The following NIPBL variants were observed in gnomAD, a reference collection of about 807,000 sequenced individuals.
NIPBL encodes NIPBL cohesin loading factor.
Under a neutral mutation model 321.8 loss-of-function variants are expected in NIPBL, and 19 were observed. The observed-to-expected ratio is 0.06, with a 90% CI of 0.04 to 0.09. The LOEUF (loss-of-function observed/expected upper bound fraction) is 0.09, where lower values mean the gene tolerates loss of function less well. Among genes scored for constraint, NIPBL ranks in the 10% least tolerant of loss-of-function variants. NIPBL has a pLI of 1.00. For missense variants in NIPBL, 2,210 were observed against 3,327.0 expected (o/e 0.66, Z 8.26); for synonymous variants, 1,106 against 1,114.1 (o/e 0.99, Z 0.14).
At chr5:36,902,547 GA>G (rs1747312516) in intron 1 of NIPBL, among the ~76,000 whole-genome samples, 1 of 152,152 alleles carries the variant, frequency 6.6e-6, no homozygotes, top group Non-Finnish European at 1.5e-5. Flanking sequence ...TCAGAGATTA[GA>G]TGTTTTAGGT....
At chr5:37,017,738 A>T (rs530062371) in intron 24 of NIPBL, among the ~76,000 whole-genome samples, 1 of 152,042 alleles carries the variant, frequency 6.6e-6, no homozygotes, top group African/African-American at 2.4e-5. Context: ...TTATGCTCGT[A>T]ATCATATCCA....
In NIPBL at chr5:37,061,028, A is replaced by G. The variant is rs746811523; in HGVS notation, c.7860+10A>G. 10 of 1,613,326 alleles carry G rather than the reference A, an allele frequency of 6.2e-6. No individual in the cohort carries two copies. Among genetic ancestry groups the G allele is most frequent in the East Asian group, 2.2e-5 (1 of 44,854 alleles). On this transcript the variant is annotated intron_variant, in intron 45 of 46. Coordinates refer to ENST00000282516, the MANE Select transcript of NIPBL (RefSeq NM_133433.4). ...AAAACAGTATCTAGATGTGAGTAGT[A>G]AAACCAAAAGTTTTTACTTCTCATA... is the stretch of plus-strand genomic sequence containing the variant.
At chr5:37,061,282 A>G (rs1754640680) in intron 45 of NIPBL, among the ~76,000 whole-genome samples, 1 of 152,106 alleles carries the variant, frequency 6.6e-6, no homozygotes, top group Non-Finnish European at 1.5e-5. Flanking sequence ...TTATAGGAAA[A>G]CCTGTGTGTG....
At chr5:36,993,154 T>C (rs1645792608) in intron 10 of NIPBL, among the ~76,000 whole-genome samples, 1 of 152,222 alleles carries the variant, frequency 6.6e-6, no homozygotes, top group Non-Finnish European at 1.5e-5. Context: ...ACCTGTGGAA[T>C]AGACAATTCT....
chr5:36,967,411 G>GATA (rs1742324365), intron 6 of NIPBL, among the ~76,000 whole-genome samples: 1 of 152,014 alleles, frequency 6.6e-6, no homozygotes, highest in Admixed American at 6.6e-5. Flanking sequence ...AGGGGAAAGG[G>GATA]ATAAAAACAT....
In NIPBL at chr5:36,998,646, T is replaced by G. The variant is rs181873779; in HGVS notation, c.3305-1727T>G. 7.9e-5 allele frequency among the ~76,000 whole-genome samples: 12 copies of G among 152,246 alleles called. No homozygotes were observed. The East Asian group carries it at 2.3e-3, about 29-fold the overall frequency. Reference sequence around the variant, plus strand: ...GAGCAACATAGCAAGACCCCTTCTCTGCCCACATAAGAAAATAGTGCTTTC... The same window carrying G: ...GAGCAACATAGCAAGACCCCTTCTCGGCCCACATAAGAAAATAGTGCTTTC... On this transcript the variant is annotated intron_variant, in intron 11 of 46. Coordinates refer to ENST00000282516, the MANE Select transcript of NIPBL (RefSeq NM_133433.4).
chr5:36,953,102 T>A (rs1740584219), intron 1 of NIPBL, among the ~76,000 whole-genome samples: 1 of 152,050 alleles, frequency 6.6e-6, no homozygotes, highest in African/African-American at 2.4e-5. Flanking sequence ...CAAGGGAGAT[T>A]TGGGAGAATC....
rs574500577 is a variant in NIPBL at position 36,916,548 on chromosome 5, C to T, written c.-79-37070C>T. 3.9e-5 allele frequency among the ~76,000 whole-genome samples: 6 copies of T among 152,150 alleles called. No individual in the cohort carries two copies. The East Asian group carries it at 9.6e-4, about 24-fold the overall frequency. The stretch of plus-strand genomic sequence containing the variant: ...TAAGTTCTAGGGTACATGTGCACAA[C>T]GTGCAGTTTTGTTACATATGTATAC... On this transcript the variant is annotated intron_variant, in intron 1 of 46. Transcript: ENST00000282516.
chr5:36,939,230 T>C (rs1255583183), intron 1 of NIPBL, among the ~76,000 whole-genome samples: 1 of 152,188 alleles, frequency 6.6e-6, no homozygotes, highest in Non-Finnish European at 1.5e-5. Context: ...CTTGAACTCT[T>C]GGGCTCAAAC....
rs1744634151 is a variant in NIPBL, at chr5:36,985,286, C to A, written c.2106C>A (p.Thr702=). ...AAACAACAAAATCAAGGCCTGAAAC[C>A]CCAAAGCAAAAGGGTGAAAGCCGGC... ...RSETTKSRPE[T]PKQKGESRPE... Residue 702 remains threonine (T), a synonymous_variant, in exon 10 of 47, where the codon ACC becomes ACA. Coordinates refer to ENST00000282516, the MANE Select transcript of NIPBL (RefSeq NM_133433.4). 1.9e-6 allele frequency: 3 copies of A among 1,613,262 alleles called. No homozygotes were observed. Among genetic ancestry groups the A allele is most frequent in the African/African-American group, 2.7e-5 (2 of 74,744 alleles).
rs770840940 is a variant in NIPBL, at chr5:37,022,185, A to C, written c.5427+36A>C. On this transcript the variant is annotated intron_variant, in intron 28 of 46. Coordinates refer to ENST00000282516, the MANE Select transcript of NIPBL (RefSeq NM_133433.4). ...AAAATGATTCTTTCTTTTCTACTCG[A>C]ATTGGAATATTCACTCTATTTAGGT... 2.5e-6 allele frequency: 4 copies of C among 1,613,314 alleles called. No individual in the cohort carries two copies. In the South Asian group the frequency reaches 3.3e-5, roughly 13 times the overall value.
At chr5:36,879,487 G>A (rs750021483) in intron 1 of NIPBL, among the ~76,000 whole-genome samples, 2 of 152,128 alleles carry the variant, frequency 1.3e-5, no homozygotes, top group Non-Finnish European at 2.9e-5. Flanking sequence ...TTTTAAAGGA[G>A]AAAACATTGT....
At chr5:36,962,008 A>G (rs1741680753) in intron 5 of NIPBL, 115 bp from the exon 6 acceptor site, 2 of 1,170,164 alleles carry the variant, frequency 1.7e-6, no homozygotes, top group East Asian at 4.8e-5. Context: ...TTCTGTTTGC[A>G]TAGATTTTAC....
At chr5:37,017,309 A>C in intron 24 of NIPBL, 147 bp downstream of exon 24, 1 of 704,668 alleles carries the variant, frequency 1.4e-6, no homozygotes, top group Non-Finnish European at 2.4e-6. Flanking sequence ...CCAGTGAGAA[A>C]TTTTAAGACC....
At chr5:36,948,649 A>G (rs2149590978) in intron 1 of NIPBL, among the ~76,000 whole-genome samples, 1 of 152,040 alleles carries the variant, frequency 6.6e-6, no homozygotes, top group East Asian at 1.9e-4. Flanking sequence ...CAAATTTTGA[A>G]AAGAAAGGTT....
At chr5:36,898,375 T>C (rs1332333913) in intron 1 of NIPBL, among the ~76,000 whole-genome samples, 2 of 152,334 alleles carry the variant, frequency 1.3e-5, no homozygotes, top group African/African-American at 4.8e-5. Context: ...TTCATGGTCA[T>C]ATTTAATACT....
At position 36,984,870 on chromosome 5, in the gene NIPBL, A is replaced by G. The variant is rs1267072334; in HGVS notation, c.1690A>G (p.Ile564Val). ...QASITQDSDS[I>V]KKPEEIKQCN... ...TTCTATAACTCAGGATTCAGACTCC[A>G]TAAAAAAGCCTGAAGAAATCAAACA... Residue 564 changes from isoleucine to valine, a missense_variant, in exon 10 of 47, where the codon ATA (isoleucine) becomes GTA (valine). By Grantham distance (29) the Ile-to-Val change is conservative. Coordinates refer to ENST00000282516, the MANE Select transcript of NIPBL (RefSeq NM_133433.4). The G allele has an allele frequency of 1.2e-6, 2 of 1,613,870 alleles. No individual in the cohort carries two copies. Among genetic ancestry groups the G allele is most frequent in the Non-Finnish European group, 1.7e-6 (2 of 1,179,852 alleles).
At chr5:36,912,682 G>C (rs1748138428) in intron 1 of NIPBL, among the ~76,000 whole-genome samples, 1 of 151,874 alleles carries the variant, frequency 6.6e-6, no homozygotes, top group Non-Finnish European at 1.5e-5. Context: ...TGTATTTTTA[G>C]TAGAGATGGG....
chr5:37,006,518 C>T lies in NIPBL; in HGVS notation c.4017C>T (p.Tyr1339=), dbSNP rs587783938. 6.2e-7 allele frequency: 1 copy of T among 1,611,640 alleles called. No homozygotes were observed. Residue 1339 remains tyrosine, a synonymous_variant, in exon 17 of 47, where the codon TAC becomes TAT. Coordinates refer to ENST00000282516, the MANE Select transcript of NIPBL (RefSeq NM_133433.4). The part of the protein sequence containing the change: ...IEDVIERVIQ[Y]TKFHLQNTLY... Reference sequence around the variant, plus strand: ...ATGTAATTGAAAGAGTTATACAGTACACTAAATTTCATTTGCAGAATACAC... The same window carrying T: ...ATGTAATTGAAAGAGTTATACAGTATACTAAATTTCATTTGCAGAATACAC...
Sources: allele counts gnomAD v4.1 joint callset (sites outside exome capture counted in the v4.1 genomes callset), GRCh38; gene constraint gnomAD v4.1.1; transcripts MANE v1.5; gene names NCBI Gene and HGNC (gene_info 2026-07-23, HGNC 2026-07-21).